The following GTF2A1 variants were observed in gnomAD, a reference collection of about 807,000 sequenced individuals.
GTF2A1 encodes transcription initiation factor IIA subunit 1.
A neutral mutation model predicts 54.1 loss-of-function variants in GTF2A1; 12 were observed. That is an observed-to-expected ratio of 0.22 (90% CI 0.14 to 0.36). GTF2A1 has a LOEUF of 0.36. GTF2A1 is among the 10% of genes least tolerant of loss of function. GTF2A1 has a pLI of 1.00. For missense variants in GTF2A1, 335 were observed against 442.2 expected, an observed-to-expected ratio of 0.76 and a Z score of 2.17; for synonymous variants, 145 against 152.0, an observed-to-expected ratio of 0.95 and a Z score of 0.34.
chr14:81,197,387 T>C (rs1893014108), intron 5 of GTF2A1, 22 bp downstream of exon 5: 7 of 1,286,002 alleles, frequency 5.4e-6, no homozygotes, highest in Non-Finnish European at 7.8e-6. Context: ...CATTTTAAAA[T>C]GGTTCCATCA....
At chr14:81,202,137 T>A (rs944433935) in intron 3 of GTF2A1, among the ~76,000 whole-genome samples, 8 of 150,104 alleles carry the variant, frequency 5.3e-5, no homozygotes, top group Non-Finnish European at 8.9e-5. Flanking sequence ...AAAAAAAAAA[T>A]TAAGTGGCAA....
intron 5 of GTF2A1, among the ~76,000 whole-genome samples, chr14:81,196,758 A>T (rs1256851903): frequency 2.0e-5 from 3 of 152,204 alleles, no homozygotes; most frequent in Non-Finnish European, 1.5e-5. Context: ...AATTCCCCCA[A>T]TATGTTCCTT....
In GTF2A1 at chr14:81,180,109, A is replaced by G. The variant is rs990795485; in HGVS notation, c.*114T>C. The G allele has an allele frequency of 1.0e-5, 5 of 480,910 alleles. No homozygotes were observed. The highest frequency in any genetic ancestry group is 1.9e-5 in the Non-Finnish European group (5 of 260,854). 29.8% of individuals were successfully genotyped at this position (480,910 alleles called of 1,614,324 possible). ...GTTCCAGTAGCTTTGCTTCTACTGC[A>G]CTTTTCTGACATGCAGAAACGAAGT... On this transcript the variant is annotated 3_prime_UTR_variant, in exon 9 of 9. Coordinates refer to ENST00000553612, the MANE Select transcript of GTF2A1 (RefSeq NM_015859.4).
chr14:81,195,492 T>A (rs1031861654), intron 6 of GTF2A1, among the ~76,000 whole-genome samples: 4 of 149,572 alleles, frequency 2.7e-5, no homozygotes, highest in Non-Finnish European at 3.0e-5. Context: ...GTTAGCCAAG[T>A]GTGGTGGTGG....
At position 81,218,254 on chromosome 14, in the gene GTF2A1, T is replaced by C. The variant is rs138465346; in HGVS notation, c.31-1740A>G. ...CAGTTACCTCTAAAAACCTTTTGCT[T>C]GGAGATCCAGACATGTGTAGGTATA... On this transcript the variant is annotated intron_variant, in intron 1 of 8. Transcript: ENST00000553612. Among the ~76,000 whole-genome samples the C allele has an allele frequency of 6.0e-3, 921 of 152,338 alleles. 9 individuals are homozygous for C. Among genetic ancestry groups the C allele is most frequent in the Middle Eastern group, 0.02 (6 of 294 alleles).
At position 81,216,530 on chromosome 14, in the gene GTF2A1, A is replaced by T; in HGVS notation, c.31-16T>A. On this transcript the variant is annotated splice_polypyrimidine_tract_variant and intron_variant, in intron 1 of 8. Transcript: ENST00000553612. ...ATAATTTAGGCTTTAAAGGAAAAAT[A>T]AAAGACTTGAAAAAGACAGTTTTTC... 1 of 1,133,750 alleles carries T rather than the reference A, an allele frequency of 8.8e-7. No individual in the cohort carries two copies. 70.2% of individuals were successfully genotyped at this position (1,133,750 alleles called of 1,614,324 possible). A position where few individuals can be genotyped will look rare whatever the true frequency, so the allele number is the denominator to read the frequency against.
intron 8 of GTF2A1, among the ~76,000 whole-genome samples, chr14:81,183,262 A>G (rs530751233): frequency 2.0e-5 from 3 of 152,268 alleles, no homozygotes; most frequent in South Asian, 2.1e-4. Flanking sequence ...GAATTCCTAT[A>G]AAGTATTATT....
At chr14:81,206,816 C>T (rs1340681123) in intron 2 of GTF2A1, among the ~76,000 whole-genome samples, 1 of 152,032 alleles carries the variant, frequency 6.6e-6, no homozygotes, top group African/African-American at 2.4e-5. Context: ...CCTTCTCCGT[C>T]CCTCTCTTTC....
chr14:81,210,043 GTCCC>G, intron 2 of GTF2A1: 2 of 136,932 alleles, frequency 1.5e-5, no homozygotes, highest in East Asian at 2.2e-4. Context: ...ATACAGAATG[GTCCC>G]ACAAGAAATA....
At chr14:81,196,087 C>T (rs755056227) in intron 6 of GTF2A1, 21 bp downstream of exon 6, 1 of 1,608,642 alleles carries the variant, frequency 6.2e-7, no homozygotes, top group Admixed American at 1.7e-5. Flanking sequence ...CCATACTGAT[C>T]ATAATAGAAG....
chr14:81,206,817 CCT>C (rs753347624), intron 2 of GTF2A1, among the ~76,000 whole-genome samples: 5 of 152,048 alleles, frequency 3.3e-5, no homozygotes, highest in East Asian at 1.9e-4. Context: ...CTTCTCCGTC[CCT>C]CTCTTTCCCC....
At chr14:81,198,199 C>T (rs1017001708) in intron 4 of GTF2A1, among the ~76,000 whole-genome samples, 5 of 152,204 alleles carry the variant, frequency 3.3e-5, no homozygotes, top group Non-Finnish European at 5.9e-5. Context: ...AATCCCAGCA[C>T]TTTAGGAGGC....
chr14:81,200,102 CAG>C (rs1893070892), intron 4 of GTF2A1, among the ~76,000 whole-genome samples: 2 of 152,100 alleles, frequency 1.3e-5, no homozygotes, highest in Admixed American at 6.5e-5. Context: ...CAAGTACAAA[CAG>C]AGATCCTCGA....
chr14:81,220,861 T>G lies in GTF2A1; in HGVS notation c.-343A>C. On this transcript the variant is annotated 5_prime_UTR_variant, in exon 1 of 9. Transcript: ENST00000553612. ...CTGCGCCGCCGCTGCCGCCACCGGC[T>G]GCAGCTCCAGCCGTCCGGTCCGCCC... The G allele has an allele frequency of 3.7e-6, 1 of 270,550 alleles. No homozygotes were observed. The highest frequency in any genetic ancestry group is 6.9e-6 in the Non-Finnish European group (1 of 144,626). The allele number at this position is 270,550 out of a possible 1,614,324, so 16.8% of individuals were successfully genotyped here.
rs1343358176 is a variant in GTF2A1 at position 81,179,427 on chromosome 14, TG to T, written c.*795del. ...AAACTATATTCCTGAGGAGCTAGTT[TG>T]GGGTTTCTTTTTAAGGTGTGGCACT... On this transcript the variant is annotated 3_prime_UTR_variant, in exon 9 of 9. Coordinates refer to ENST00000553612, the MANE Select transcript of GTF2A1 (RefSeq NM_015859.4). The T allele has an allele frequency of 6.6e-6, 1 of 152,232 alleles. No individual in the cohort carries two copies. Among genetic ancestry groups the T allele is most frequent in the East Asian group, 1.9e-4 (1 of 5,204 alleles). The allele number at this position is 152,232 out of a possible 1,614,324, so 9.4% of individuals were successfully genotyped here. A position where few individuals can be genotyped will look rare whatever the true frequency, so the allele number is the denominator to read the frequency against.
intron 6 of GTF2A1, 139 bp from the exon 7 acceptor site, chr14:81,192,978 ATTAGT>A (rs775035018): frequency 2.3e-4 from 142 of 614,980 alleles, no homozygotes; most frequent in Non-Finnish European, 3.6e-4. Context: ...TACAAAAGCA[ATTAGT>A]TTAACTAGTG....
In GTF2A1 at chr14:81,206,291, TC is replaced by T. The variant is rs1277408179; in HGVS notation, c.133-2188del. Among the ~76,000 whole-genome samples the T allele has an allele frequency of 5.9e-5, 9 of 152,326 alleles. No individual in the cohort carries two copies. In the South Asian group the frequency reaches 1.9e-3, roughly 32 times the overall value. On this transcript the variant is annotated intron_variant, in intron 2 of 8. Coordinates refer to ENST00000553612, the MANE Select transcript of GTF2A1 (RefSeq NM_015859.4). ...CCAACAGCCCACCATTATTGTCTAT[TC>T]TGATTCAGTGTTCCAATGCATCTCT... is the stretch of plus-strand genomic sequence containing the variant.
At chr14:81,181,476 G>C (rs1013497121) in intron 8 of GTF2A1, among the ~76,000 whole-genome samples, 1 of 152,186 alleles carries the variant, frequency 6.6e-6, no homozygotes, top group Non-Finnish European at 1.5e-5. Flanking sequence ...TCTTGGTCCA[G>C]TACGCTTTTA....
chr14:81,213,782 G>C (rs1323733970), intron 2 of GTF2A1, among the ~76,000 whole-genome samples: 2 of 150,784 alleles, frequency 1.3e-5, no homozygotes, highest in African/African-American at 4.9e-5. Context: ...ATAAATATTT[G>C]CTCATCTGTT....
Sources: allele counts gnomAD v4.1 joint callset (sites outside exome capture counted in the v4.1 genomes callset), GRCh38; gene constraint gnomAD v4.1.1; transcripts MANE v1.5; gene names NCBI Gene and HGNC (gene_info 2026-07-23, HGNC 2026-07-21).